Variants in GPHN observed in about 807,000 individuals in gnomAD.
GPHN encodes the protein gephyrin.
Under a neutral mutation model 95.5 loss-of-function variants are expected in GPHN, and 17 were observed. The ratio of observed to expected loss-of-function variants is 0.18; its 90% CI spans 0.12 to 0.27. The LOEUF (loss-of-function observed/expected upper bound fraction) is 0.27. GPHN is among the 10% of genes least tolerant of loss of function. The pLI, the probability that GPHN is intolerant of heterozygous loss-of-function variation, is 1.00. For missense variants in GPHN, 660 were observed against 978.1 expected (o/e 0.67, Z 4.34); for synonymous variants, 320 against 322.5 (o/e 0.99, Z 0.08).
At chr14:67,651,663 C>A in the GPHN span, 1 of 494,020 alleles carries the variant, frequency 2.0e-6, no homozygotes, top group Non-Finnish European at 3.4e-6. Flanking sequence ...CACTGTCTAC[C>A]TCACAGAAAT....
chr14:67,386,847 C>T, the GPHN span: 1 of 152,396 alleles, frequency 6.6e-6, no homozygotes, highest in African/African-American at 2.4e-5. Context: ...GCCACCATCC[C>T]CACTTTAAGA....
At chr14:66,658,926 A>T (rs2065468329) in intron 1 of GPHN, among the ~76,000 whole-genome samples, 2 of 143,602 alleles carry the variant, frequency 1.4e-5, no homozygotes, top group African/African-American at 5.1e-5. Flanking sequence ...TTGTTTTATT[A>T]TTTTGCTGTT....
intron 2 of GPHN, among the ~76,000 whole-genome samples, chr14:66,739,966 A>G (rs767562568): frequency 4.6e-5 from 7 of 152,174 alleles, no homozygotes; most frequent in Non-Finnish European, 8.8e-5. Flanking sequence ...TTGGAAACAA[A>G]TAATCTAAAT....
the GPHN span, chr14:67,359,899 C>G: frequency 1.7e-6 from 1 of 603,920 alleles, no homozygotes; most frequent in African/African-American, 1.9e-5. Flanking sequence ...GAGGACAGAA[C>G]AGAGGCGTTG....
At chr14:66,567,534 A>G (rs2060511409) in intron 1 of GPHN, among the ~76,000 whole-genome samples, 1 of 152,154 alleles carries the variant, frequency 6.6e-6, no homozygotes, top group Admixed American at 6.6e-5. Context: ...AAATCCTTTG[A>G]GTGAATGAAT....
At chr14:67,674,461 T>G in the GPHN span, 13 of 1,608,338 alleles carry the variant, frequency 8.1e-6, no homozygotes, top group Non-Finnish European at 1.1e-5. Flanking sequence ...CTTCTCGAAA[T>G]GCTCCGAGGA....
At chr14:67,725,095 C>G in the GPHN span, 1 of 1,614,006 alleles carries the variant, frequency 6.2e-7, no homozygotes, top group South Asian at 1.1e-5. Flanking sequence ...TGTCTTGGAC[C>G]CAGGAGCCCG....
chr14:67,630,952 A>G, the GPHN span, among the ~76,000 whole-genome samples: 1 of 152,134 alleles, frequency 6.6e-6, no homozygotes, highest in African/African-American at 2.4e-5. Context: ...TTCTTTCCGG[A>G]AAAAGGGAAG....
chr14:67,106,151 A>C (rs1404266440), intron 13 of GPHN, among the ~76,000 whole-genome samples: 1 of 152,164 alleles, frequency 6.6e-6, no homozygotes, highest in Admixed American at 6.5e-5. Flanking sequence ...TCATTTCCAA[A>C]GGATAGCTTT....
At chr14:67,211,181 T>G in the GPHN span, among the ~76,000 whole-genome samples, 1 of 152,194 alleles carries the variant, frequency 6.6e-6, no homozygotes, top group Non-Finnish European at 1.5e-5. Flanking sequence ...ATTAAATAGC[T>G]GATATTAAAA....
At chr14:66,702,663 C>T (rs2068666357) in intron 2 of GPHN, among the ~76,000 whole-genome samples, 1 of 152,068 alleles carries the variant, frequency 6.6e-6, no homozygotes, top group Non-Finnish European at 1.5e-5. Flanking sequence ...TCAGCATCCT[C>T]AAAGATTGAA....
At chr14:66,530,209 C>T (rs574653348) in intron 1 of GPHN, among the ~76,000 whole-genome samples, 2 of 152,190 alleles carry the variant, frequency 1.3e-5, no homozygotes, top group East Asian at 1.9e-4. Flanking sequence ...CAGAGGGTTC[C>T]GACGGGTTGG....
the GPHN span, among the ~76,000 whole-genome samples, chr14:67,283,977 A>T: frequency 6.6e-6 from 1 of 152,198 alleles, no homozygotes; most frequent in Non-Finnish European, 1.5e-5. Flanking sequence ...GTCAAAACTG[A>T]GTTTAAATAC....
At chr14:67,392,583 G>C in the GPHN span, 46 of 1,362,420 alleles carry the variant, frequency 3.4e-5, no homozygotes, top group Non-Finnish European at 4.4e-5. Context: ...TCCCATGACT[G>C]TGGCCCCCAG....
the GPHN span, among the ~76,000 whole-genome samples, chr14:67,514,539 C>T: frequency 6.6e-6 from 1 of 152,062 alleles, no homozygotes; most frequent in South Asian, 2.1e-4. Flanking sequence ...TTTCCATGCA[C>T]CCTGGGGAGA....
intron 2 of GPHN, among the ~76,000 whole-genome samples, chr14:66,717,578 A>C (rs2070306536): frequency 6.6e-6 from 1 of 152,056 alleles, no homozygotes; most frequent in African/African-American, 2.4e-5. Context: ...GTGTTAAATA[A>C]GCTTGTTTTG....
At chr14:67,025,909 C>T (rs2073900522) in intron 10 of GPHN, among the ~76,000 whole-genome samples, 1 of 152,202 alleles carries the variant, frequency 6.6e-6, no homozygotes, top group Non-Finnish European at 1.5e-5. Context: ...ATCCATCAAT[C>T]CCAAATGATT....
chr14:67,595,774 C>T, the GPHN span, among the ~76,000 whole-genome samples: 2 of 152,088 alleles, frequency 1.3e-5, no homozygotes, highest in Admixed American at 1.3e-4. Context: ...GGTGGAAGTG[C>T]AGTTTCTGCA....
At chr14:67,226,450 T>C in the GPHN span, among the ~76,000 whole-genome samples, 1 of 152,212 alleles carries the variant, frequency 6.6e-6, no homozygotes, top group Non-Finnish European at 1.5e-5. Context: ...AACCTCTGCC[T>C]CCTGGGTTCA....
Sources: allele counts gnomAD v4.1 joint callset (sites outside exome capture counted in the v4.1 genomes callset), GRCh38; gene constraint gnomAD v4.1.1; transcripts MANE v1.5; gene names NCBI Gene and HGNC (gene_info 2026-07-23, HGNC 2026-07-21).